MAPKAP1: variants seen among roughly 807,000 people sequenced by gnomAD.
The protein encoded by MAPKAP1 is target of rapamycin complex 2 subunit MAPKAP1.
In MAPKAP1, 20 loss-of-function variants were observed where a neutral mutation model predicts 65.7. The ratio of observed to expected loss-of-function variants is 0.30; its 90% CI spans 0.21 to 0.44. The LOEUF (loss-of-function observed/expected upper bound fraction) is 0.44, where lower values mean the gene tolerates loss of function less well. MAPKAP1 is among the 20% of genes least tolerant of loss of function. The pLI is 1.00. For synonymous variants in MAPKAP1, 222 were observed against 244.3 expected, an observed-to-expected ratio of 0.91 and a Z score of 0.85; for missense variants, 423 against 648.0, an observed-to-expected ratio of 0.65 and a Z score of 3.77.
At chr9:125,643,594 T>C (rs944328803) in intron 4 of MAPKAP1, among the ~76,000 whole-genome samples, 1 of 152,240 alleles carries the variant, frequency 6.6e-6, no homozygotes, top group African/African-American at 2.4e-5. Context: ...TTATGTAATA[T>C]TCATTAGGTG....
At chr9:125,482,145 A>AGAAGAAG (rs1415928257) in intron 9 of MAPKAP1, among the ~76,000 whole-genome samples, 1 of 76,496 alleles carries the variant, frequency 1.3e-5, no homozygotes, top group Non-Finnish European at 2.8e-5. Context: ...AAAAAAAAAA[A>AGAAGAAG]AAAAAGAAGA....
chr9:125,517,365 G>A (rs1035255727), intron 7 of MAPKAP1, among the ~76,000 whole-genome samples: 1 of 152,104 alleles, frequency 6.6e-6, no homozygotes, highest in African/African-American at 2.4e-5. Context: ...AACACCAGCT[G>A]CTTGCCCTGA....
chr9:125,532,757 A>C (rs148063144), intron 7 of MAPKAP1, among the ~76,000 whole-genome samples: 1 of 152,234 alleles, frequency 6.6e-6, no homozygotes, highest in Non-Finnish European at 1.5e-5. Flanking sequence ...CTGCTGCCCC[A>C]AAATAAACCG....
intron 1 of MAPKAP1, among the ~76,000 whole-genome samples, chr9:125,678,581 T>C (rs1834726156): frequency 6.6e-6 from 1 of 152,140 alleles, no homozygotes; most frequent in Non-Finnish European, 1.5e-5. Context: ...CCTTTTACAC[T>C]TCAAATGAAT....
At chr9:125,524,382 T>C (rs1397323876) in intron 7 of MAPKAP1, among the ~76,000 whole-genome samples, 1 of 152,272 alleles carries the variant, frequency 6.6e-6, no homozygotes, top group Non-Finnish European at 1.5e-5. Flanking sequence ...GTAAAGCACT[T>C]AGTTTGGCAC....
At chr9:125,655,136 A>C (rs746855377) in intron 4 of MAPKAP1, among the ~76,000 whole-genome samples, 5 of 152,198 alleles carry the variant, frequency 3.3e-5, no homozygotes, top group Admixed American at 2.6e-4. Flanking sequence ...GAGTATCAAA[A>C]TACATAGAAA....
chr9:125,509,016 AAATTAT>A (rs1413533906), intron 7 of MAPKAP1, among the ~76,000 whole-genome samples: 9 of 152,140 alleles, frequency 5.9e-5, no homozygotes, highest in Non-Finnish European at 1.3e-4. Flanking sequence ...AGCACATTTT[AAATTAT>A]AATTATAAAA....
intron 10 of MAPKAP1, among the ~76,000 whole-genome samples, chr9:125,450,084 G>A (rs532124918): frequency 7.2e-4 from 109 of 151,906 alleles, no homozygotes; most frequent in Non-Finnish European, 4.6e-4. Context: ...CACCATGCCC[G>A]GCTATCATTT....
At chr9:125,550,344 T>C (rs1335992996) in intron 6 of MAPKAP1, among the ~76,000 whole-genome samples, 4 of 152,100 alleles carry the variant, frequency 2.6e-5, no homozygotes, top group Non-Finnish European at 5.9e-5. Flanking sequence ...AAATGAGACA[T>C]AGTAACTAAA....
chr9:125,456,125 T>TG (rs1159679210), intron 10 of MAPKAP1, among the ~76,000 whole-genome samples: 2 of 145,512 alleles, frequency 1.4e-5, no homozygotes, highest in Non-Finnish European at 3.0e-5. Flanking sequence ...ATTCTTATCT[T>TG]GGTTTCTCTA....
intron 1 of MAPKAP1, among the ~76,000 whole-genome samples, chr9:125,693,698 CGTATAT>C (rs1835273119): frequency 1.1e-5 from 1 of 92,920 alleles, no homozygotes; most frequent in African/African-American, 4.1e-5. Flanking sequence ...TATATATACA[CGTATAT>C]ATACACATAT....
Position 125,595,845 on chromosome 9 carries a change from T to C in MAPKAP1, c.499-10118A>G. ...AAGCGTTCCGGGGGTTTTGGGTTTG[T>C]CACCTATGCCACTGTGGAGGAGGTG... On this transcript the variant is annotated intron_variant, in intron 4 of 11. Transcript: ENST00000265960. This position sits in a 1 kb window ranked among gnomAD's most constrained non-coding sequence, Gnocchi z 4.0. 1.8e-6 allele frequency: 2 copies of C among 1,136,248 alleles called. No homozygotes were observed. The highest frequency in any genetic ancestry group is 2.5e-5 in the South Asian group (2 of 81,522). The allele number at this position is 1,136,248 out of a possible 1,614,324, so 70.4% of individuals were successfully genotyped here. A position where few individuals can be genotyped will look rare whatever the true frequency, so the allele number is the denominator to read the frequency against.
chr9:125,578,061 G>A (rs1401016699), intron 5 of MAPKAP1, among the ~76,000 whole-genome samples: 1 of 151,992 alleles, frequency 6.6e-6, no homozygotes, highest in African/African-American at 2.4e-5. Flanking sequence ...GTAGACACGG[G>A]AGACTTTTCA....
intron 8 of MAPKAP1, among the ~76,000 whole-genome samples, chr9:125,505,650 A>AGAAT (rs1292002169): frequency 6.6e-6 from 1 of 152,222 alleles, no homozygotes; most frequent in East Asian, 1.9e-4. Flanking sequence ...ACTGAGACAA[A>AGAAT]GAATGAGAAA....
At position 125,595,903 on chromosome 9, in the gene MAPKAP1, G is replaced by T. The variant is rs2131599619; in HGVS notation, c.499-10176C>A. 1 of 1,246,826 alleles carries T rather than the reference G, an allele frequency of 8.0e-7. No individual in the cohort carries two copies. Among genetic ancestry groups the T allele is most frequent in the East Asian group, 2.3e-5 (1 of 43,252 alleles). The allele number at this position is 1,246,826 out of a possible 1,614,324, so 77.2% of individuals were successfully genotyped here. The stretch of plus-strand genomic sequence containing the variant: ...CCATGAATGCAAGGCCACACAAGGT[G>T]GATCGGAGTTGTGGAACCAAAGAGA... On this transcript the variant is annotated intron_variant, in intron 4 of 11. Transcript: ENST00000265960. This position sits in a 1 kb window ranked among gnomAD's most constrained non-coding sequence, Gnocchi z 4.0.
chr9:125,678,234 T>C (rs752831619), intron 1 of MAPKAP1, among the ~76,000 whole-genome samples: 14 of 150,462 alleles, frequency 9.3e-5, no homozygotes, highest in Non-Finnish European at 1.5e-4. Flanking sequence ...GGCATTTTTA[T>C]TTTATTTTAT....
chr9:125,553,207 A>T (rs1028284648), intron 6 of MAPKAP1, among the ~76,000 whole-genome samples: 3 of 152,122 alleles, frequency 2.0e-5, no homozygotes, highest in Admixed American at 2.0e-4. Flanking sequence ...TACCCAAGAG[A>T]GTCACCTGGC....
chr9:125,596,269 T>TTGG, intron 4 of MAPKAP1: 1 of 762,302 alleles, frequency 1.3e-6, no homozygotes, highest in Admixed American at 1.7e-5. Context: ...TCTGGAAACT[T>TTGG]TGGTGGTGGT....
intron 8 of MAPKAP1, among the ~76,000 whole-genome samples, chr9:125,498,340 C>G (rs150088156): frequency 8.5e-5 from 13 of 152,332 alleles, no homozygotes; most frequent in African/African-American, 3.1e-4. Context: ...AGGGTCGACT[C>G]TGGAATCAGA....
Sources: allele counts gnomAD v4.1 joint callset (sites outside exome capture counted in the v4.1 genomes callset), GRCh38; gene constraint gnomAD v4.1.1; non-coding constraint Gnocchi (gnomAD v3.1); transcripts MANE v1.5; gene names NCBI Gene and HGNC (gene_info 2026-07-23, HGNC 2026-07-21).